The following ITSN2 variants were observed in gnomAD, a reference collection of about 807,000 sequenced individuals.
The protein encoded by ITSN2 is intersectin-2.
ITSN2 carries 156 observed loss-of-function variants against 243.7 expected under a neutral mutation model. The observed-to-expected ratio is 0.64, with a 90% CI of 0.56 to 0.73. ITSN2 has a LOEUF of 0.73. Ranked by LOEUF, ITSN2 falls within the 30% of genes least tolerant of loss-of-function variation. The probability of loss-of-function intolerance (pLI) is 0.00; values close to 1 mark genes in which losing one functional copy is unlikely to be tolerated. For missense variants in ITSN2, 1,801 were observed against 1,996.1 expected, an observed-to-expected ratio of 0.90 and a Z score of 1.86; for synonymous variants, 703 against 699.9, an observed-to-expected ratio of 1.00 and a Z score of -0.07.
intron 1 of ITSN2, among the ~76,000 whole-genome samples, chr2:24,335,715 T>C (rs959659602): frequency 2.0e-5 from 3 of 151,922 alleles, no homozygotes; most frequent in Non-Finnish European, 1.5e-5. Flanking sequence ...CTTGGCTCAC[T>C]GCAACCTCCG....
At chr2:24,205,349 CCT>C in intron 37 of ITSN2, 52 bp from the exon 38 acceptor site, 2 of 1,502,194 alleles carry the variant, frequency 1.3e-6, no homozygotes, top group Non-Finnish European at 1.9e-6. Context: ...GGATGCAGAC[CCT>C]GTCTTTCAAA....
At chr2:24,292,554 A>T (rs761807499) in intron 15 of ITSN2, among the ~76,000 whole-genome samples, 1 of 152,182 alleles carries the variant, frequency 6.6e-6, no homozygotes, top group African/African-American at 2.4e-5. Flanking sequence ...TTCATTTCTG[A>T]TATTTCTTCC....
intron 20 of ITSN2, among the ~76,000 whole-genome samples, chr2:24,263,614 G>T (rs1345576328): frequency 6.6e-6 from 1 of 151,872 alleles, no homozygotes; most frequent in Non-Finnish European, 1.5e-5. Flanking sequence ...GAAAACACTG[G>T]CCTGTTTTCT....
chr2:24,264,384 GTCTC>G (rs1297487299), intron 20 of ITSN2, among the ~76,000 whole-genome samples: 1 of 139,434 alleles, frequency 7.2e-6, no homozygotes, highest in African/African-American at 2.7e-5. Context: ...GCGAAACTCT[GTCTC>G]AAAAAAAAAA....
intron 29 of ITSN2, among the ~76,000 whole-genome samples, chr2:24,232,800 T>C (rs1490922639): frequency 6.6e-6 from 1 of 152,208 alleles, no homozygotes; most frequent in African/African-American, 2.4e-5. Context: ...TCTTATACTT[T>C]CCAATGGCAG....
At chr2:24,228,784 A>C (rs1558453220) in intron 29 of ITSN2, among the ~76,000 whole-genome samples, 1 of 152,232 alleles carries the variant, frequency 6.6e-6, no homozygotes, top group Non-Finnish European at 1.5e-5. Context: ...TAGAAAATAC[A>C]TAATAAAATA....
chr2:24,277,660 T>C (rs1442320796), intron 17 of ITSN2, among the ~76,000 whole-genome samples: 1 of 152,228 alleles, frequency 6.6e-6, no homozygotes, highest in Non-Finnish European at 1.5e-5. Flanking sequence ...AGGCTCTGTA[T>C]ACTAGCTGTA....
intron 11 of ITSN2, 63 bp downstream of exon 11, chr2:24,301,091 A>C: frequency 3.5e-6 from 3 of 857,224 alleles, no homozygotes; most frequent in South Asian, 4.0e-5. Flanking sequence ...ATATTCCATT[A>C]CATTTAAAGG....
intron 22 of ITSN2, among the ~76,000 whole-genome samples, 154 bp from the exon 23 acceptor site, chr2:24,258,247 T>A (rs773705607): frequency 5.3e-5 from 8 of 152,242 alleles, no homozygotes; most frequent in Non-Finnish European, 1.0e-4. Context: ...CTTTAAATTA[T>A]ACATGATAGA....
intron 2 of ITSN2, chr2:24,321,694 G>A (rs1684597026): frequency 1.3e-5 from 2 of 152,076 alleles, no homozygotes; most frequent in African/African-American, 2.4e-5. Flanking sequence ...CACTAGGAAG[G>A]CAAGTAGTAT....
intron 1 of ITSN2, among the ~76,000 whole-genome samples, chr2:24,348,310 G>C (rs143551511): frequency 8.0e-5 from 12 of 149,980 alleles, no homozygotes; most frequent in Non-Finnish European, 1.5e-4. Context: ...AAGTAGCTGG[G>C]ATTACAGGTG....
intron 29 of ITSN2, among the ~76,000 whole-genome samples, chr2:24,243,465 C>G (rs557255002): frequency 2.1e-3 from 189 of 89,954 alleles, no homozygotes; most frequent in African/African-American, 6.1e-3. Flanking sequence ...GACGATTATT[C>G]TTTTTCTTCT....
chr2:24,313,604 T>C, intron 3 of ITSN2, 81 bp from the exon 4 acceptor site: 3 of 874,108 alleles, frequency 3.4e-6, no homozygotes, highest in Non-Finnish European at 5.4e-6. Context: ...AATGGGTATA[T>C]GTTAATGATT....
chr2:24,221,247 C>T (rs1020150137), intron 29 of ITSN2, 181 bp from the exon 30 acceptor site: 4 of 575,386 alleles, frequency 7.0e-6, no homozygotes, highest in Admixed American at 3.8e-5. Flanking sequence ...ATTAATGAGC[C>T]GGCACTCACA....
Position 24,308,643 on chromosome 2 carries a change from T to A in ITSN2, c.767A>T (p.Asp256Val). ...TGAGAGATATCCACTCATACTTTTG[T>A]CAAGAGTATTAAATTTTTGCCGATA... ...LKYRQKFNTL[D>V]KSMSGYLSGF... The change falls in exon 8 of 40, where the codon GAC becomes GTC. Residue 256 changes from aspartate to valine, a missense_variant. Asp to Val is a radical substitution (Grantham distance 152). Transcript: ENST00000355123. The A allele has an allele frequency of 6.6e-7, 1 of 1,521,610 alleles. No individual in the cohort carries two copies. Among genetic ancestry groups the A allele is most frequent in the Non-Finnish European group, 8.9e-7 (1 of 1,129,596 alleles). 94.3% of individuals were successfully genotyped at this position (1,521,610 alleles called of 1,614,324 possible). A position where few individuals can be genotyped will look rare whatever the true frequency, so the allele number is the denominator to read the frequency against.
At position 24,204,404 on chromosome 2, in the gene ITSN2, A is replaced by G; in HGVS notation, c.4777T>C (p.Tyr1593His). 3.1e-6 allele frequency: 5 copies of G among 1,614,106 alleles called. No homozygotes were observed. Among genetic ancestry groups the G allele is most frequent in the Non-Finnish European group, 4.2e-6 (5 of 1,179,982 alleles). Residue 1593 changes from tyrosine to histidine, a missense_variant, in exon 39 of 40, where the codon TAC (tyrosine) becomes CAC (histidine). This residue lies in a region of ITSN2 where 928 missense variants were observed against 1,065.4 expected (regional missense o/e 0.87). Transcript: ENST00000355123. This position sits in a 1 kb window ranked among gnomAD's most constrained non-coding sequence, Gnocchi z 5.1. ...ACKPNGKSNP[Y>H]CEISMGSQSY... is the part of the protein sequence containing the mutation. Reference sequence around the variant, plus strand: ...TGGGAGCCCATGCTGATTTCACAGTATGGGTTGCTCTTTCCTGAACAAAAA... The same window carrying G: ...TGGGAGCCCATGCTGATTTCACAGTGTGGGTTGCTCTTTCCTGAACAAAAA...
At chr2:24,282,907 C>T (rs959695452) in intron 17 of ITSN2, among the ~76,000 whole-genome samples, 9 of 151,964 alleles carry the variant, frequency 5.9e-5, no homozygotes, top group African/African-American at 2.2e-4. Flanking sequence ...TCTTAATCTG[C>T]TTCTTCAGGG....
chr2:24,347,550 G>C (rs1246371974), intron 1 of ITSN2, among the ~76,000 whole-genome samples: 1 of 152,172 alleles, frequency 6.6e-6, no homozygotes, highest in African/African-American at 2.4e-5. Context: ...GCCATGCGTG[G>C]TGGCACATGC....
chr2:24,335,115 G>A (rs1686223178), intron 1 of ITSN2: 1 of 215,568 alleles, frequency 4.6e-6, no homozygotes, highest in Non-Finnish European at 9.4e-6. Flanking sequence ...TTTGAACTGG[G>A]AAGAGATAAG....
Sources: gnomAD v4.1 joint callset for allele counts (sites outside exome capture counted in the v4.1 genomes callset) on GRCh38, gnomAD v4.1.1 for gene constraint, gnomAD v4.1.1 regional missense constraint, Gnocchi (gnomAD v3.1) non-coding constraint, MANE v1.5 for transcripts, NCBI Gene and HGNC (gene_info 2026-07-23, HGNC 2026-07-21) for gene names.